Variants in CPT1A observed in about 807,000 individuals in gnomAD.
CPT1A encodes carnitine O-palmitoyltransferase 1, liver isoform.
CPT1A carries 64 observed loss-of-function variants against 100.8 expected under a neutral mutation model. The observed-to-expected ratio is 0.63, with a 90% CI of 0.52 to 0.78. The LOEUF is 0.78. CPT1A is among the 30% of genes least tolerant of loss of function. The pLI is 0.00. For missense variants in CPT1A, 802 were observed against 1,034.1 expected, an observed-to-expected ratio of 0.78 and a Z score of 3.08; for synonymous variants, 363 against 396.0, an observed-to-expected ratio of 0.92 and a Z score of 0.99.
intron 1 of CPT1A, among the ~76,000 whole-genome samples, chr11:68,828,562 G>A (rs1856799588): frequency 6.6e-6 from 1 of 152,194 alleles, no homozygotes; most frequent in Non-Finnish European, 1.5e-5. Context: ...CTGCCAGACT[G>A]GGCACTGTGG....
intron 5 of CPT1A, among the ~76,000 whole-genome samples, chr11:68,802,896 CAAAAAAAAAAAAA>C (rs901808584): frequency 3.3e-4 from 15 of 44,958 alleles, no homozygotes; most frequent in South Asian, 1.1e-3. Flanking sequence ...GACCCTGTCT[CAAAAAAAAAAAAA>C]AAAAAAAAAA....
At chr11:68,762,086 G>T (rs1463098542) in intron 15 of CPT1A, among the ~76,000 whole-genome samples, 1 of 152,152 alleles carries the variant, frequency 6.6e-6, no homozygotes, top group Non-Finnish European at 1.5e-5. Context: ...GAGCAGAATG[G>T]CCCAGCAGCT....
chr11:68,763,858 C>T (rs529969537), intron 14 of CPT1A, among the ~76,000 whole-genome samples: 54 of 152,258 alleles, frequency 3.5e-4, no homozygotes, highest in Admixed American at 4.6e-4. Flanking sequence ...ATCACAGCAG[C>T]TGGAGAGCTG....
chr11:68,835,518 A>G (rs1270289375), intron 1 of CPT1A, among the ~76,000 whole-genome samples: 2 of 152,266 alleles, frequency 1.3e-5, no homozygotes, highest in African/African-American at 4.8e-5. Flanking sequence ...GCCTGCAGCC[A>G]GGACATTGTT....
rs1854667723 is a variant in CPT1A, at chr11:68,762,771, GAGA to G, written c.1741-13_1741-11del. The G allele has an allele frequency of 1.2e-6, 2 of 1,613,942 alleles. No individual in the cohort carries two copies. Among genetic ancestry groups the G allele is most frequent in the Non-Finnish European group, 8.5e-7 (1 of 1,180,050 alleles). ...AAAACTTGCCCATGTCCTGGGGAAA[GAGA>G]AGTACTTCAGTGCACGGCAGGGCAT... On this transcript the variant is annotated splice_polypyrimidine_tract_variant and intron_variant, in intron 14 of 18. Coordinates refer to ENST00000265641, the MANE Select transcript of CPT1A (RefSeq NM_001876.4).
At chr11:68,787,050 T>C (rs1039748427) in intron 9 of CPT1A, among the ~76,000 whole-genome samples, 3 of 152,026 alleles carry the variant, frequency 2.0e-5, no homozygotes, top group African/African-American at 7.2e-5. Context: ...AGATAAAGGA[T>C]TGAAAGGGAA....
chr11:68,802,081 A>G (rs1293856990), intron 5 of CPT1A, among the ~76,000 whole-genome samples: 1 of 152,140 alleles, frequency 6.6e-6, no homozygotes, highest in Non-Finnish European at 1.5e-5. Flanking sequence ...CCATACAGAC[A>G]GACAGGAGAT....
chr11:68,794,861 G>A lies in CPT1A; in HGVS notation c.822C>T (p.Asn274=), dbSNP rs774440104. 2.4e-5 allele frequency: 38 copies of A among 1,614,112 alleles called. No homozygotes were observed. The highest frequency in any genetic ancestry group is 6.7e-5 in the East Asian group (3 of 44,904). ...PTHIQAARAG[N]AIHAILLYRR... The stretch of plus-strand genomic sequence containing the variant: ...TGTAAAGCAGGATGGCATGGATGGC[G>A]TTGCCGGCTCTTGCTGCCTGAATGT... Residue 274 remains asparagine, a synonymous_variant, in exon 8 of 19, where the codon AAC becomes AAT. Transcript: ENST00000265641.
At chr11:68,814,071 C>A (rs1856304617) in intron 2 of CPT1A, among the ~76,000 whole-genome samples, 1 of 151,998 alleles carries the variant, frequency 6.6e-6, no homozygotes, top group Admixed American at 6.6e-5. Context: ...TGAGTTACCG[C>A]TGGGGCTGGC....
rs893178955 is a variant in CPT1A at position 68,802,013 on chromosome 11, T to C, written c.555+1987A>G. On this transcript the variant is annotated intron_variant, in intron 5 of 18. Transcript: ENST00000265641. Reference sequence around the variant, plus strand: ...ACAACACGGGTGAACTCTAAAGACATGCTAGTCACAAAAGGCCACGTGATT... The same window carrying C: ...ACAACACGGGTGAACTCTAAAGACACGCTAGTCACAAAAGGCCACGTGATT... Among the ~76,000 whole-genome samples the C allele has an allele frequency of 2.0e-5, 3 of 152,088 alleles. No individual in the cohort carries two copies. The East Asian group carries it at 5.8e-4, about 29-fold the overall frequency.
At position 68,764,396 on chromosome 11, in the gene CPT1A, C is replaced by T. The variant is rs1186783836; in HGVS notation, c.1741-1635G>A. On this transcript the variant is annotated intron_variant, in intron 14 of 18. Transcript: ENST00000265641. ...CAGACCCACCCATCTGCAAAGGACACCATGTGGCAGGCTGATACTGTCAAA... is the reference window on the plus strand; with the variant it reads ...CAGACCCACCCATCTGCAAAGGACATCATGTGGCAGGCTGATACTGTCAAA... 3.3e-5 allele frequency among the ~76,000 whole-genome samples: 5 copies of T among 152,326 alleles called. No individual in the cohort carries two copies. In the Middle Eastern group the frequency reaches 0.01, roughly 311 times the overall value.
At chr11:68,810,120 G>A (rs1856160820) in intron 3 of CPT1A, among the ~76,000 whole-genome samples, 1 of 152,218 alleles carries the variant, frequency 6.6e-6, no homozygotes, top group South Asian at 2.1e-4. Flanking sequence ...GGAGCTTGCA[G>A]TGTGCCGAGA....
rs375809779 is a variant in CPT1A, at chr11:68,761,561, C to T, written c.2002G>A (p.Ala668Thr). 6.8e-6 allele frequency: 11 copies of T among 1,613,870 alleles called. No individual in the cohort carries two copies. Among genetic ancestry groups the T allele is most frequent in the Non-Finnish European group, 8.5e-6 (10 of 1,180,016 alleles). ...FCLYVVSKYLAVESPFLKEVL... is the reference protein window; with the variant it reads ...FCLYVVSKYLTVESPFLKEVL... The stretch of plus-strand genomic sequence containing the variant: ...TCCTTAAGGAAAGGGGACTCCACAG[C>T]GAGATATTTAGACACCACGTAAAGG... Residue 668 changes from alanine to threonine, a missense_variant, in exon 16 of 19, where the codon GCT becomes ACT. Ala to Thr is a moderately conservative substitution (Grantham distance 58). Around this residue, in one of 4 missense-constraint regions of CPT1A, gnomAD observed 627 missense variants for 799.3 expected, o/e 0.78. Transcript: ENST00000265641.
chr11:68,823,172 C>T (rs1856631311), intron 1 of CPT1A, among the ~76,000 whole-genome samples: 1 of 151,320 alleles, frequency 6.6e-6, no homozygotes, highest in Non-Finnish European at 1.5e-5. Flanking sequence ...ATCACTTGAG[C>T]CTGGAAGTTC....
rs1414991366 is a variant in CPT1A at position 68,754,981 on chromosome 11, C to T, written c.*2663G>A. ...AAGAGCATACTGTATTTACATGCAC[C>T]GGTCAGCCCAAGATAACAAATTCAA... On this transcript the variant is annotated 3_prime_UTR_variant, in exon 19 of 19. Coordinates refer to ENST00000265641, the MANE Select transcript of CPT1A (RefSeq NM_001876.4). 2.4e-5 allele frequency: 16 copies of T among 662,786 alleles called. No homozygotes were observed. Among genetic ancestry groups the T allele is most frequent in the South Asian group, 8.5e-5 (5 of 58,780 alleles). The allele number at this position is 662,786 out of a possible 1,614,324, so 41.1% of individuals were successfully genotyped here.
intron 1 of CPT1A, among the ~76,000 whole-genome samples, chr11:68,840,877 C>T (rs1857142461): frequency 6.6e-6 from 1 of 152,200 alleles, no homozygotes; most frequent in Non-Finnish European, 1.5e-5. Flanking sequence ...CACGTGACAC[C>T]CCCACCCTCC....
chr11:68,830,389 G>A (rs903499698), intron 1 of CPT1A, among the ~76,000 whole-genome samples: 1 of 152,144 alleles, frequency 6.6e-6, no homozygotes, highest in Non-Finnish European at 1.5e-5. Flanking sequence ...GAGCACACGG[G>A]GTGCCCACCA....
chr11:68,812,522 C>A lies in CPT1A; in HGVS notation c.196G>T (p.Val66Leu). The A allele has an allele frequency of 6.2e-7, 1 of 1,614,204 alleles. No individual in the cohort carries two copies. Among genetic ancestry groups the A allele is most frequent in the South Asian group, 1.1e-5 (1 of 91,090 alleles). ...TACATCGTTGTCATCACGCCCACCA[C>A]CACGATAAGCCAACTGGAGGGGCTT... ...PASPSSWLIV[V>L]VGVMTTMYAK... The change falls in exon 3 of 19, where the codon GTG (valine) becomes TTG (leucine). Residue 66 changes from valine to leucine, a missense_variant. By Grantham distance (32) the Val-to-Leu change is conservative. Around this residue, in one of 4 missense-constraint regions of CPT1A, gnomAD observed 161 missense variants for 183.7 expected, o/e 0.88. Coordinates refer to ENST00000265641, the MANE Select transcript of CPT1A (RefSeq NM_001876.4).
intron 1 of CPT1A, among the ~76,000 whole-genome samples, chr11:68,816,907 T>TGG (rs1856419412): frequency 3.5e-5 from 1 of 28,696 alleles, no homozygotes; most frequent in African/African-American, 5.6e-5. Context: ...TGTGTGGGTG[T>TGG]GTGTGTGGTG....
Sources: allele counts gnomAD v4.1 joint callset (sites outside exome capture counted in the v4.1 genomes callset), GRCh38; gene constraint gnomAD v4.1.1; regional missense constraint gnomAD v4.1.1; transcripts MANE v1.5; gene names NCBI Gene and HGNC (gene_info 2026-07-23, HGNC 2026-07-21).